Variants in MAP3K10 observed in about 807,000 individuals in gnomAD.
The protein encoded by MAP3K10 is mitogen-activated protein kinase kinase kinase 10, also known as MKN28 derived nonreceptor_type serine/threonine kinase.
In MAP3K10, 22 loss-of-function variants were observed where a neutral mutation model predicts 75.0. The ratio of observed to expected loss-of-function variants is 0.29; its 90% CI spans 0.21 to 0.42. The LOEUF is 0.42. Among genes scored for constraint, MAP3K10 ranks in the 10% least tolerant of loss-of-function variants. The pLI, the probability that MAP3K10 is intolerant of heterozygous loss-of-function variation, is 1.00. For synonymous variants in MAP3K10, 599 were observed against 612.9 expected (o/e 0.98, Z 0.34); for missense variants, 1,165 against 1,379.8 (o/e 0.84, Z 2.47).
chr19:40,197,854 C>T lies in MAP3K10; in HGVS notation c.683-521C>T, dbSNP rs1343010100. ...TGGCTGTTGTTTCTTTTTTTTGAGA[C>T]GAGGTCTCACTCTATTGCCCAGGCT... On this transcript the variant is annotated intron_variant, in intron 1 of 9. Transcript: ENST00000253055. Among the ~76,000 whole-genome samples, 15 of 151,300 alleles carry T rather than the reference C, an allele frequency of 9.9e-5. 1 individual carries two copies. The highest frequency in any genetic ancestry group is 3.6e-4 in the African/African-American group (15 of 41,258).
chr19:40,195,915 CTATTAT>C, intron 1 of MAP3K10, among the ~76,000 whole-genome samples: 1 of 152,300 alleles, frequency 6.6e-6, no homozygotes, highest in Non-Finnish European at 1.5e-5. Flanking sequence ...AACTACCTTA[CTATTAT>C]TATTATGACT....
chr19:40,201,177 T>G (rs947449582), intron 2 of MAP3K10, among the ~76,000 whole-genome samples: 3 of 149,558 alleles, frequency 2.0e-5, no homozygotes, highest in African/African-American at 4.9e-5. Flanking sequence ...GTTTTTTGTT[T>G]TTTTTTTTTT....
rs1460946820 is a variant in MAP3K10, at chr19:40,205,316, TG to T, written c.1188+23del. ...GAGAAGGTGAAGGCAGGGGGCAAGG[TG>T]GGAAAGATGGAGCAAGACCCCTGAG... is the stretch of plus-strand genomic sequence containing the variant. On this transcript the variant is annotated intron_variant, in intron 4 of 9. Transcript: ENST00000253055. This position sits in a 1 kb window ranked among gnomAD's most constrained non-coding sequence, Gnocchi z 4.3. 1.2e-6 allele frequency: 2 copies of T among 1,612,968 alleles called. No individual in the cohort carries two copies. Among genetic ancestry groups the T allele is most frequent in the Admixed American group, 3.3e-5 (2 of 59,970 alleles).
intron 5 of MAP3K10, chr19:40,206,475 C>A (rs1973126091): frequency 4.6e-6 from 1 of 215,412 alleles, no homozygotes; most frequent in African/African-American, 2.3e-5. Context: ...AGTGGGGAGG[C>A]TGAGGTGGGA....
In MAP3K10 at chr19:40,198,652, A is replaced by T; in HGVS notation, c.863+97A>T. 7.7e-7 allele frequency: 1 copy of T among 1,293,750 alleles called. No individual in the cohort carries two copies. The highest frequency in any genetic ancestry group is 1.1e-6 in the Non-Finnish European group (1 of 948,706). 80.1% of individuals were successfully genotyped at this position (1,293,750 alleles called of 1,614,324 possible). On this transcript the variant is annotated intron_variant, in intron 2 of 9. Coordinates refer to ENST00000253055, the MANE Select transcript of MAP3K10 (RefSeq NM_002446.4). The surrounding 1 kb of genome is among the most constrained non-coding windows in gnomAD (Gnocchi z 4.3). ...GGGAGGGTCTCCTGCTGAAGCCAGG[A>T]TCTCAGTCTGACAAAGGGACCTGCT...
At chr19:40,199,475 T>A (rs1378700268) in intron 2 of MAP3K10, among the ~76,000 whole-genome samples, 1 of 152,076 alleles carries the variant, frequency 6.6e-6, no homozygotes, top group African/African-American at 2.4e-5. Flanking sequence ...GAGTTCCAAG[T>A]GGCAAAAAGG....
Position 40,198,214 on chromosome 19 carries a change from G to A in MAP3K10, c.683-161G>A, listed in dbSNP as rs894114948. Among the ~76,000 whole-genome samples the A allele has an allele frequency of 6.6e-6, 1 of 152,196 alleles. No homozygotes were observed. The highest frequency in any genetic ancestry group is 2.4e-5 in the African/African-American group (1 of 41,432). On this transcript the variant is annotated intron_variant, in intron 1 of 9. Coordinates refer to ENST00000253055, the MANE Select transcript of MAP3K10 (RefSeq NM_002446.4). The surrounding 1 kb of genome is among the most constrained non-coding windows in gnomAD (Gnocchi z 4.3). The stretch of plus-strand genomic sequence containing the variant: ...GGACAGGGATTAGACCTGGGCGGAG[G>A]GGCTCATGGATGTTCCAGGCCAGGA...
chr19:40,195,195 G>A (rs941971796), intron 1 of MAP3K10, among the ~76,000 whole-genome samples: 2 of 152,140 alleles, frequency 1.3e-5, no homozygotes, highest in Non-Finnish European at 2.9e-5. Context: ...GTGAGGACTT[G>A]GGGTATTTTA....
intron 1 of MAP3K10, among the ~76,000 whole-genome samples, chr19:40,194,104 T>C (rs1568486301): frequency 6.6e-6 from 1 of 152,198 alleles, no homozygotes; most frequent in Non-Finnish European, 1.5e-5. Flanking sequence ...CTCACGCCTG[T>C]AATCCCAGCA....
At position 40,204,515 on chromosome 19, in the gene MAP3K10, G is replaced by A. The variant is rs753320581; in HGVS notation, c.894G>A (p.Thr298=). ...SFGVLLWELL[T]GEVPYREIDA... is the part of the protein sequence containing the mutation. ...GGGTGCTGCTGTGGGAGCTGCTGAC[G>A]GGGGAGGTCCCCTACCGTGAGATCG... Residue 298 remains threonine, a synonymous_variant, in exon 3 of 10, where the codon ACG becomes ACA. Transcript: ENST00000253055. This position sits in a 1 kb window ranked among gnomAD's most constrained non-coding sequence, Gnocchi z 4.3. 9.3e-6 allele frequency: 15 copies of A among 1,613,566 alleles called. No individual in the cohort carries two copies. The highest frequency in any genetic ancestry group is 8.8e-5 in the South Asian group (8 of 91,074).
In MAP3K10 at chr19:40,192,060, A is replaced by G; in HGVS notation, c.29A>G (p.Lys10Arg). MEEEEGAVA[K>R]EWGTTPAGPV... ...GAGGAGGAGGAGGGGGCGGTGGCCA[A>G]GGAGTGGGGCACGACCCCCGCGGGG... The change falls in exon 1 of 10, where the codon AAG becomes AGG. Residue 10 changes from lysine (K) to arginine (R), a missense_variant. Coordinates refer to ENST00000253055, the MANE Select transcript of MAP3K10 (RefSeq NM_002446.4). The surrounding 1 kb of genome is among the most constrained non-coding windows in gnomAD (Gnocchi z 7.1). The G allele has an allele frequency of 6.9e-7, 1 of 1,459,328 alleles. No individual in the cohort carries two copies. The highest frequency in any genetic ancestry group is 1.5e-5 in the African/African-American group (1 of 68,594). 90.4% of individuals were successfully genotyped at this position (1,459,328 alleles called of 1,614,324 possible). A position where few individuals can be genotyped will look rare whatever the true frequency, so the allele number is the denominator to read the frequency against.
chr19:40,206,431 C>G, intron 5 of MAP3K10: 1 of 304,674 alleles, frequency 3.3e-6, no homozygotes, highest in Non-Finnish European at 6.0e-6. Context: ...TTTTAATTAG[C>G]TGGCCACGTT....
chr19:40,194,181 T>C (rs1168498110), intron 1 of MAP3K10, among the ~76,000 whole-genome samples: 1 of 152,022 alleles, frequency 6.6e-6, no homozygotes, highest in Non-Finnish European at 1.5e-5. Flanking sequence ...ACCAATATGG[T>C]GAAACCCCTT....
In MAP3K10 at chr19:40,212,859, G is replaced by A; in HGVS notation, c.1607G>A (p.Gly536Glu). 1 of 1,609,630 alleles carries A rather than the reference G, an allele frequency of 6.2e-7. No homozygotes were observed. The highest frequency in any genetic ancestry group is 8.5e-7 in the Non-Finnish European group (1 of 1,178,522). ...SSSGSSSGGS[G>E]TWSRGGPPKK... ...AGTGGCAGCAGCAGTGGAGGAAGTG[G>A]GACATGGAGCCGCGGTGGGCCCCCA... Residue 536 changes from glycine (G) to glutamate (E), a missense_variant, in exon 7 of 10, where the codon GGG (glycine) becomes GAG (glutamate). Gly to Glu is a moderately conservative substitution (Grantham distance 98). Coordinates refer to ENST00000253055, the MANE Select transcript of MAP3K10 (RefSeq NM_002446.4). The surrounding 1 kb of genome is among the most constrained non-coding windows in gnomAD (Gnocchi z 4.2).
Position 40,215,326 on chromosome 19 carries a change from G to T in MAP3K10, c.*34G>T, listed in dbSNP as rs766677910. ...CACCACCGCCCGCCTGGGCAGCCAT[G>T]AATGTAGCGCCCCAGGCCCTGCCCC... On this transcript the variant is annotated 3_prime_UTR_variant, in exon 10 of 10. Coordinates refer to ENST00000253055, the MANE Select transcript of MAP3K10 (RefSeq NM_002446.4). The T allele has an allele frequency of 6.6e-7, 1 of 1,509,962 alleles. No individual in the cohort carries two copies. Among genetic ancestry groups the T allele is most frequent in the African/African-American group, 1.4e-5 (1 of 71,524 alleles). The allele number at this position is 1,509,962 out of a possible 1,614,324, so 93.5% of individuals were successfully genotyped here.
At chr19:40,210,098 T>C (rs907456535) in intron 6 of MAP3K10, among the ~76,000 whole-genome samples, 1 of 151,662 alleles carries the variant, frequency 6.6e-6, no homozygotes, top group Non-Finnish European at 1.5e-5. Flanking sequence ...AAACCCCGTC[T>C]CTACTAAAAA....
At chr19:40,202,096 A>G (rs1014324057) in intron 2 of MAP3K10, among the ~76,000 whole-genome samples, 2 of 152,016 alleles carry the variant, frequency 1.3e-5, no homozygotes, top group African/African-American at 4.8e-5. Flanking sequence ...GCTGGAGTTC[A>G]GTGGCACGAT....
chr19:40,207,845 T>C (rs1471775052), intron 5 of MAP3K10, among the ~76,000 whole-genome samples: 1 of 152,210 alleles, frequency 6.6e-6, no homozygotes, highest in Admixed American at 6.5e-5. Flanking sequence ...GAAATCCAGA[T>C]GTATTTTATA....
rs146629861 is a variant in MAP3K10, at chr19:40,210,783, C to A, written c.1552+1564C>A. 1.3e-3 allele frequency among the ~76,000 whole-genome samples: 199 copies of A among 152,202 alleles called. 1 individual carries two copies. The highest frequency in any genetic ancestry group is 4.5e-3 in the African/African-American group (186 of 41,542). The stretch of plus-strand genomic sequence containing the variant: ...CAGGGCAGGAGAAGATGGATATCCA[C>A]GCTCATGCAGAGAGCAAACTCACCC... On this transcript the variant is annotated intron_variant, in intron 6 of 9. Transcript: ENST00000253055.
Sources: gnomAD v4.1 joint callset for allele counts (sites outside exome capture counted in the v4.1 genomes callset) on GRCh38, gnomAD v4.1.1 for gene constraint, Gnocchi (gnomAD v3.1) non-coding constraint, MANE v1.5 for transcripts, NCBI Gene and HGNC (gene_info 2026-07-23, HGNC 2026-07-21) for gene names.